SERINC3: variants seen among roughly 807,000 people sequenced by gnomAD.
SERINC3 encodes the protein serine incorporator 3, also known as tumor differentially expressed protein 1.
SERINC3 carries 22 observed loss-of-function variants against 52.1 expected under a neutral mutation model. That is an observed-to-expected ratio of 0.42 (90% CI 0.30 to 0.60). SERINC3 has a LOEUF of 0.60. Among genes scored for constraint, SERINC3 ranks in the 20% least tolerant of loss-of-function variants. The probability of loss-of-function intolerance (pLI) is 0.16; values close to 1 mark genes in which losing one functional copy is unlikely to be tolerated. For missense variants in SERINC3, 564 were observed against 584.6 expected (o/e 0.96, Z 0.36); for synonymous variants, 226 against 212.7 (o/e 1.06, Z -0.54).
Position 44,516,629 on chromosome 20 carries a change from T to C in SERINC3, c.40-2589A>G, listed in dbSNP as rs138968387. On this transcript the variant is annotated intron_variant, in intron 1 of 9. Coordinates refer to ENST00000342374, the MANE Select transcript of SERINC3 (RefSeq NM_006811.4). ...CTGGTCTCGAATTCCTGACCTCAAGTGATCTGCCCGCCTCCGCCTCCCAAA... is the reference window on the plus strand; with the variant it reads ...CTGGTCTCGAATTCCTGACCTCAAGCGATCTGCCCGCCTCCGCCTCCCAAA... Among the ~76,000 whole-genome samples the C allele has an allele frequency of 5.0e-3, 756 of 152,252 alleles. 3 individuals carry two copies. Among genetic ancestry groups the C allele is most frequent in the African/African-American group, 0.017 (706 of 41,556 alleles).
chr20:44,514,978 C>T (rs1447120382), intron 1 of SERINC3, among the ~76,000 whole-genome samples: 2 of 152,188 alleles, frequency 1.3e-5, no homozygotes, highest in African/African-American at 4.8e-5. Flanking sequence ...CGAATATTCA[C>T]AGCACCACTA....
At chr20:44,510,469 A>G (rs537400531) in intron 4 of SERINC3, among the ~76,000 whole-genome samples, 7 of 152,222 alleles carry the variant, frequency 4.6e-5, no homozygotes, top group Non-Finnish European at 1.0e-4. Context: ...ATATGGTTCC[A>G]GAAAATCTGA....
At chr20:44,507,881 A>G (rs1012365303) in intron 5 of SERINC3, among the ~76,000 whole-genome samples, 7 of 152,158 alleles carry the variant, frequency 4.6e-5, no homozygotes, top group Admixed American at 3.3e-4. Flanking sequence ...ACAACAAACA[A>G]AACAATTAGC....
At chr20:44,501,329 C>G (rs1568783761) in intron 8 of SERINC3, 29 bp from the exon 9 acceptor site, 1 of 1,576,178 alleles carries the variant, frequency 6.3e-7, no homozygotes, top group Non-Finnish European at 8.7e-7. Context: ...GAAGACAAAT[C>G]AGAAAGGGGC....
At chr20:44,502,046 A>T (rs952360298) in intron 8 of SERINC3, among the ~76,000 whole-genome samples, 5 of 152,266 alleles carry the variant, frequency 3.3e-5, no homozygotes, top group African/African-American at 1.2e-4. Context: ...AAGACTAAAA[A>T]CTTTCCCCCT....
intron 8 of SERINC3, 99 bp downstream of exon 8, chr20:44,503,716 G>T: frequency 1.0e-6 from 1 of 953,946 alleles, no homozygotes; most frequent in Non-Finnish European, 1.5e-6. Flanking sequence ...AGAGAGTGAA[G>T]TTTTTAAATT....
Position 44,522,031 on chromosome 20 carries a change from A to G in SERINC3, c.-80T>C. 1.4e-6 allele frequency: 2 copies of G among 1,419,750 alleles called. No individual in the cohort carries two copies. Among genetic ancestry groups the G allele is most frequent in the Non-Finnish European group, 9.7e-7 (1 of 1,029,334 alleles). The allele number at this position is 1,419,750 out of a possible 1,614,324, so 87.9% of individuals were successfully genotyped here. Reference sequence around the variant, plus strand: ...TAACTGCCAGCTGAGGTGACTCCCCAGAAACATGACGGTTTCTCAGGCCGG... The same window carrying G: ...TAACTGCCAGCTGAGGTGACTCCCCGGAAACATGACGGTTTCTCAGGCCGG... On this transcript the variant is annotated 5_prime_UTR_variant, in exon 1 of 10. Coordinates refer to ENST00000342374, the MANE Select transcript of SERINC3 (RefSeq NM_006811.4).
chr20:44,500,177 ACAGT>A lies in SERINC3; in HGVS notation c.*115_*118del. The A allele has an allele frequency of 9.4e-7, 1 of 1,065,738 alleles. No individual in the cohort carries two copies. The highest frequency in any genetic ancestry group is 1.3e-6 in the Non-Finnish European group (1 of 746,756). 66.0% of individuals were successfully genotyped at this position (1,065,738 alleles called of 1,614,324 possible). On this transcript the variant is annotated 3_prime_UTR_variant, in exon 10 of 10. Transcript: ENST00000342374. ...CTCACCTTCTGATATAAACCTGCAT[ACAGT>A]CAAACTTGCAAAGCATTCACTTAAT...
chr20:44,521,520 G>A (rs1460249817), intron 1 of SERINC3, among the ~76,000 whole-genome samples: 3 of 152,170 alleles, frequency 2.0e-5, no homozygotes, highest in Admixed American at 6.5e-5. Context: ...CCGTGCTAGG[G>A]GATAAAAATA....
At chr20:44,519,423 A>T in intron 1 of SERINC3, 1 of 977,676 alleles carries the variant, frequency 1.0e-6, no homozygotes, top group Non-Finnish European at 1.2e-6. Flanking sequence ...TTCTAATGTG[A>T]TAGAAGATAA....
Position 44,501,053 on chromosome 20 carries a change from GT to G in SERINC3, c.1283+19del. 1 of 1,577,408 alleles carries G rather than the reference GT, an allele frequency of 6.3e-7. No homozygotes were observed. The highest frequency in any genetic ancestry group is 8.7e-7 in the Non-Finnish European group (1 of 1,146,626). On this transcript the variant is annotated intron_variant, in intron 9 of 9. Coordinates refer to ENST00000342374, the MANE Select transcript of SERINC3 (RefSeq NM_006811.4). Reference sequence around the variant, plus strand: ...CCAAGGGTTTTATGGTCTTCTGTCTGTTTTGTCTGTGTCTCCTACCTGTACC... The same window carrying G: ...CCAAGGGTTTTATGGTCTTCTGTCTGTTTGTCTGTGTCTCCTACCTGTACC...
chr20:44,515,110 T>C (rs2064372032), intron 1 of SERINC3, among the ~76,000 whole-genome samples: 1 of 152,164 alleles, frequency 6.6e-6, no homozygotes, highest in Admixed American at 6.5e-5. Flanking sequence ...TCCCAGCACT[T>C]TGGGAGGCTG....
intron 3 of SERINC3, among the ~76,000 whole-genome samples, 196 bp downstream of exon 3, chr20:44,512,605 C>T: frequency 6.6e-6 from 1 of 152,112 alleles, no homozygotes; most frequent in East Asian, 1.9e-4. Flanking sequence ...AAAGACAAGA[C>T]CCCCTATCCC....
Position 44,512,977 on chromosome 20 carries a change from T to C in SERINC3, c.219A>G (p.Glu73=). 6.7e-7 allele frequency: 1 copy of C among 1,502,246 alleles called. No homozygotes were observed. Among genetic ancestry groups the C allele is most frequent in the Non-Finnish European group, 8.8e-7 (1 of 1,133,704 alleles). 93.1% of individuals were successfully genotyped at this position (1,502,246 alleles called of 1,614,324 possible). Residue 73 remains glutamate (E), a synonymous_variant, in exon 3 of 10, where the codon GAA becomes GAG. Transcript: ENST00000342374. ...TYLKKIPGFC[E]GGFKIHEADI... ...CAGCCTCATGGATTTTAAATCCCCC[T>C]TCACAAAATCCAGGAATCTGGAAAA...
chr20:44,496,671 A>G (rs2064251073), downstream of SERINC3, among the ~76,000 whole-genome samples: 1 of 152,066 alleles, frequency 6.6e-6, no homozygotes, highest in African/African-American at 2.4e-5. Flanking sequence ...GCGCGCACCT[A>G]TAGTCCCAGC....
At position 44,501,287 on chromosome 20, in the gene SERINC3, T is replaced by C; in HGVS notation, c.1069A>G (p.Thr357Ala). Residue 357 changes from threonine (T) to alanine (A), a missense_variant, in exon 9 of 10, where the codon ACT becomes GCT. By Grantham distance (58) the Thr-to-Ala change is moderately conservative. Coordinates refer to ENST00000342374, the MANE Select transcript of SERINC3 (RefSeq NM_006811.4). ...GTCAGCTTGTCTACTTGGCTATTAG[T>C]GGAAGTGCGGATGCTGGAAAGTGAT... ...CLLYSSIRTS[T>A]NSQVDKLTLS... 4 of 1,613,980 alleles carry C rather than the reference T, an allele frequency of 2.5e-6. No homozygotes were observed. The highest frequency in any genetic ancestry group is 3.4e-6 in the Non-Finnish European group (4 of 1,179,966).
chr20:44,506,680 G>GC, intron 6 of SERINC3, 147 bp downstream of exon 6: 1 of 398,186 alleles, frequency 2.5e-6, no homozygotes, highest in Non-Finnish European at 4.3e-6. Context: ...TATGATATAG[G>GC]CATGAAATAG....
At chr20:44,512,410 T>C (rs373792182) in intron 3 of SERINC3, among the ~76,000 whole-genome samples, 3 of 151,872 alleles carry the variant, frequency 2.0e-5, no homozygotes, top group East Asian at 3.9e-4. Flanking sequence ...TGTAAATCAG[T>C]AGCACATATA....
At chr20:44,508,047 T>C (rs2064325601) in intron 5 of SERINC3, among the ~76,000 whole-genome samples, 1 of 152,220 alleles carries the variant, frequency 6.6e-6, no homozygotes, top group African/African-American at 2.4e-5. Flanking sequence ...ATGTCTAAAA[T>C]TAAATGATGT....
Sources: gnomAD v4.1 joint callset for allele counts (sites outside exome capture counted in the v4.1 genomes callset) on GRCh38, gnomAD v4.1.1 for gene constraint, MANE v1.5 for transcripts, NCBI Gene and HGNC (gene_info 2026-07-23, HGNC 2026-07-21) for gene names.